Variants in NOL9 observed in about 807,000 individuals in gnomAD.
NOL9 encodes the protein nucleolar protein 9, also known as polynucleotide 5'-hydroxyl-kinase NOL9.
A neutral mutation model predicts 67.9 loss-of-function variants in NOL9; 28 were observed. The ratio of observed to expected loss-of-function variants is 0.41; its 90% CI spans 0.31 to 0.57. The LOEUF (loss-of-function observed/expected upper bound fraction) is 0.57. Among genes scored for constraint, NOL9 ranks in the 20% least tolerant of loss-of-function variants. The probability of loss-of-function intolerance (pLI) is 0.25; values close to 1 mark genes in which losing one functional copy is unlikely to be tolerated. For missense variants in NOL9, 777 were observed against 897.0 expected, an observed-to-expected ratio of 0.87 and a Z score of 1.71; for synonymous variants, 356 against 352.2, an observed-to-expected ratio of 1.01 and a Z score of -0.12.
At chr1:6,531,629 G>A (rs901435102) in intron 9 of NOL9, among the ~76,000 whole-genome samples, 1 of 152,144 alleles carries the variant, frequency 6.6e-6, no homozygotes, top group South Asian at 2.1e-4. Context: ...GCGGAAAAGT[G>A]GAAGTGCTGG....
intron 1 of NOL9, among the ~76,000 whole-genome samples, chr1:6,552,773 T>TCTTTTC (rs1339322685): frequency 1.3e-5 from 2 of 152,130 alleles, no homozygotes; most frequent in African/African-American, 4.8e-5. Context: ...CCCAGCTCTC[T>TCTTTTC]CTTTTCCTTT....
rs148670877 is a variant in NOL9 at position 6,533,470 on chromosome 1, G to A, written c.1076-29C>T. 54 of 1,519,644 alleles carry A rather than the reference G, an allele frequency of 3.6e-5. No individual in the cohort carries two copies. In the East Asian group the frequency reaches 9.1e-4, roughly 26 times the overall value. The allele number at this position is 1,519,644 out of a possible 1,614,324, so 94.1% of individuals were successfully genotyped here. A position where few individuals can be genotyped will look rare whatever the true frequency, so the allele number is the denominator to read the frequency against. ...AAAAGATAAAGATGAGTAATCAGAT[G>A]AGTAAGGTGAGTGATCAATCCTGGC... is the stretch of plus-strand genomic sequence containing the variant. On this transcript the variant is annotated intron_variant, in intron 6 of 11. Coordinates refer to ENST00000377705, the MANE Select transcript of NOL9 (RefSeq NM_024654.5).
rs1168181129 is a variant in NOL9 at position 6,532,757 on chromosome 1, T to G, written c.1241A>C (p.Gln414Pro). Residue 414 changes from glutamine (Q) to proline (P), a missense_variant, in exon 8 of 12, where the codon CAG (glutamine) becomes CCG (proline). Coordinates refer to ENST00000377705, the MANE Select transcript of NOL9 (RefSeq NM_024654.5). ...IVNTMGWVSD[Q>P]GLLLLIDLIR... ...CAGATCAATGAGAAGCAGGAGCCCC[T>G]GGTCTGTGGGGAAGAGACATTAGCA... 14 of 1,610,526 alleles carry G rather than the reference T, an allele frequency of 8.7e-6. 1 individual carries two copies. Among genetic ancestry groups the G allele is most frequent in the East Asian group, 4.5e-5 (2 of 44,828 alleles).
chr1:6,549,071 A>T (rs1289213601), intron 3 of NOL9, among the ~76,000 whole-genome samples: 1 of 151,966 alleles, frequency 6.6e-6, no homozygotes, highest in Non-Finnish European at 1.5e-5. Flanking sequence ...CAACAGAGAG[A>T]GAGTCCATCT....
rs1639613220 is a variant in NOL9 at position 6,554,171 on chromosome 1, A to G, written c.332T>C (p.Leu111Pro). 7.9e-6 allele frequency: 12 copies of G among 1,526,372 alleles called. No homozygotes were observed. The highest frequency in any genetic ancestry group is 1.1e-5 in the Non-Finnish European group (12 of 1,136,406). 94.6% of individuals were successfully genotyped at this position (1,526,372 alleles called of 1,614,324 possible). ...CACGGGCCGCACCGGTGGGATGAGG[A>G]GAGGCCGGTGGCAACTCGAGGCGGA... is the stretch of plus-strand genomic sequence containing the variant. Reference protein sequence around the residue: ...LESASSCHRPLLIPPVRPVGP... With the variant: ...LESASSCHRPPLIPPVRPVGP... The change falls in exon 1 of 12, where the codon CTC becomes CCC. Residue 111 changes from leucine to proline, a missense_variant. Coordinates refer to ENST00000377705, the MANE Select transcript of NOL9 (RefSeq NM_024654.5).
At chr1:6,526,663 T>C in intron 11 of NOL9, 33 bp downstream of exon 11, 1 of 1,582,714 alleles carries the variant, frequency 6.3e-7, no homozygotes, top group Non-Finnish European at 8.6e-7. Context: ...CTGAGTAGGC[T>C]CCTTCCAGGG....
chr1:6,532,444 C>T lies in NOL9; in HGVS notation c.1535+19G>A, dbSNP rs777092099. On this transcript the variant is annotated intron_variant, in intron 8 of 11. Coordinates refer to ENST00000377705, the MANE Select transcript of NOL9 (RefSeq NM_024654.5). ...GACGGAAGGAAAAATAATTCTTCAG[C>T]CAAATGAGGGTTAGTTACCTATTTC... 1 of 1,591,614 alleles carries T rather than the reference C, an allele frequency of 6.3e-7. No individual in the cohort carries two copies. Among genetic ancestry groups the T allele is most frequent in the East Asian group, 2.2e-5 (1 of 44,580 alleles).
chr1:6,541,976 A>G (rs1157446471), intron 5 of NOL9, 49 bp from the exon 6 acceptor site: 1 of 1,218,668 alleles, frequency 8.2e-7, no homozygotes. Context: ...AACTAGCTTT[A>G]CTCAGTAGAA....
At chr1:6,531,406 G>A (rs4908907) in intron 9 of NOL9, among the ~76,000 whole-genome samples, 122,792 of 151,628 alleles carry the variant, frequency 0.81, 50,500 homozygotes, top group Non-Finnish European at 0.87. Context: ...ATAGAGAGGG[G>A]GTTTCACTGT....
intron 5 of NOL9, 88 bp from the exon 6 acceptor site, chr1:6,542,015 T>C (rs1305617645): frequency 2.6e-6 from 2 of 761,338 alleles, no homozygotes; most frequent in African/African-American, 1.8e-5. Flanking sequence ...AGATTTCATG[T>C]GACACGCAGG....
intron 6 of NOL9, among the ~76,000 whole-genome samples, chr1:6,540,033 T>C (rs558730979): frequency 1.5e-4 from 23 of 152,020 alleles, no homozygotes; most frequent in African/African-American, 5.3e-4. Flanking sequence ...CTGCCCAGAC[T>C]GGAGTGCAGT....
intron 1 of NOL9, among the ~76,000 whole-genome samples, chr1:6,552,987 T>C (rs1639575474): frequency 6.6e-6 from 1 of 152,068 alleles, no homozygotes; most frequent in African/African-American, 2.4e-5. Context: ...AATTTTTGTA[T>C]TTTTAGTAGA....
chr1:6,549,031 G>A (rs768683569), intron 3 of NOL9, among the ~76,000 whole-genome samples: 8 of 152,004 alleles, frequency 5.3e-5, no homozygotes, highest in Admixed American at 1.3e-4. Context: ...GCAGTGAGCC[G>A]AGAGATCACA....
At chr1:6,542,592 G>A (rs1385684166) in intron 5 of NOL9, among the ~76,000 whole-genome samples, 1 of 151,736 alleles carries the variant, frequency 6.6e-6, no homozygotes, top group Non-Finnish European at 1.5e-5. Context: ...CAAGTAGCTG[G>A]GATTACAGGC....
intron 2 of NOL9, 117 bp from the exon 3 acceptor site, chr1:6,549,815 G>T: frequency 7.8e-7 from 1 of 1,280,716 alleles, no homozygotes; most frequent in Non-Finnish European, 1.1e-6. Flanking sequence ...AATTACGGTT[G>T]AGAGCCTTTT....
At chr1:6,553,428 C>T (rs993783107) in intron 1 of NOL9, among the ~76,000 whole-genome samples, 4 of 152,140 alleles carry the variant, frequency 2.6e-5, no homozygotes, top group African/African-American at 7.2e-5. Context: ...GGGACAACTA[C>T]TCCGTAAGAG....
rs557947234 is a variant in NOL9, at chr1:6,524,108, A to C, written c.*1746T>G. 1 of 152,350 alleles carries C rather than the reference A, an allele frequency of 6.6e-6. No individual in the cohort carries two copies. The highest frequency in any genetic ancestry group is 1.9e-4 in the East Asian group (1 of 5,184). 9.4% of individuals were successfully genotyped at this position (152,350 alleles called of 1,614,324 possible). A position where few individuals can be genotyped will look rare whatever the true frequency, so the allele number is the denominator to read the frequency against. ...TCAACATAAATAAGGGGCAACTAAG[A>C]AGCTAGACTCAATTGTCTCAAAGGT... On this transcript the variant is annotated 3_prime_UTR_variant, in exon 12 of 12. Transcript: ENST00000377705.
In NOL9 at chr1:6,549,263, A is replaced by G. The variant is rs1310724677; in HGVS notation, c.744+308T>C. On this transcript the variant is annotated intron_variant, in intron 3 of 11. Transcript: ENST00000377705. ...CAGAGTGAGACTCCGTCTCAAAAAA[A>G]CGAACCAACCAACCAACCAACCAAC... The G allele has an allele frequency of 1.3e-5, 3 of 234,566 alleles. No homozygotes were observed. In the East Asian group the frequency reaches 3.1e-4, roughly 24 times the overall value. The allele number at this position is 234,566 out of a possible 1,614,324, so 14.5% of individuals were successfully genotyped here.
Position 6,527,171 on chromosome 1 carries a change from C to T in NOL9, c.1826-342G>A, listed in dbSNP as rs896436267. Among the ~76,000 whole-genome samples the T allele has an allele frequency of 2.0e-5, 3 of 151,366 alleles. No homozygotes were observed. The East Asian group carries it at 5.9e-4, about 30-fold the overall frequency. ...CCGAGACAGGAGAATAGCTTGAACCCGGGAGGTGGAGCTTGCAGTGAGCCG... is the reference window on the plus strand; with the variant it reads ...CCGAGACAGGAGAATAGCTTGAACCTGGGAGGTGGAGCTTGCAGTGAGCCG... On this transcript the variant is annotated intron_variant, in intron 10 of 11. Coordinates refer to ENST00000377705, the MANE Select transcript of NOL9 (RefSeq NM_024654.5).
Sources: gnomAD v4.1 joint callset for allele counts (sites outside exome capture counted in the v4.1 genomes callset) on GRCh38, gnomAD v4.1.1 for gene constraint, MANE v1.5 for transcripts, NCBI Gene and HGNC (gene_info 2026-07-23, HGNC 2026-07-21) for gene names.